SMYD3: variants seen among roughly 807,000 people sequenced by gnomAD.
SMYD3 encodes SET and MYND domain containing 3, also known as histone-lysine N-methyltransferase SMYD3.
Under a neutral mutation model 57.7 loss-of-function variants are expected in SMYD3, and 36 were observed. The ratio of observed to expected loss-of-function variants is 0.62; its 90% CI spans 0.48 to 0.82. The LOEUF is 0.82. SMYD3 is among the 40% of genes least tolerant of loss of function. The probability of loss-of-function intolerance (pLI) is 0.00; values close to 1 mark genes in which losing one functional copy is unlikely to be tolerated. For missense variants in SMYD3, 515 were observed against 538.8 expected, an observed-to-expected ratio of 0.96 and a Z score of 0.44; for synonymous variants, 211 against 195.0, an observed-to-expected ratio of 1.08 and a Z score of -0.68.
intron 5 of SMYD3, among the ~76,000 whole-genome samples, chr1:246,187,777 C>T (rs1266158399): frequency 6.6e-6 from 1 of 152,124 alleles, no homozygotes; most frequent in Non-Finnish European, 1.5e-5. Context: ...AGCAAACAAC[C>T]CCACAATAAT....
intron 1 of SMYD3, among the ~76,000 whole-genome samples, chr1:246,482,157 C>T (rs189911253): frequency 2.4e-3 from 367 of 151,828 alleles, no homozygotes; most frequent in African/African-American, 8.2e-3. Flanking sequence ...GACCCTGTCT[C>T]AGAAGCAAAA....
chr1:245,837,675 A>G (rs761351240), intron 10 of SMYD3, among the ~76,000 whole-genome samples: 25 of 152,134 alleles, frequency 1.6e-4, no homozygotes, highest in Non-Finnish European at 2.9e-4. Flanking sequence ...CAATTTCCAC[A>G]TTAGTTTAGG....
intron 5 of SMYD3, among the ~76,000 whole-genome samples, chr1:246,025,294 G>A (rs2059555771): frequency 6.6e-6 from 1 of 151,916 alleles, no homozygotes; most frequent in South Asian, 2.1e-4. Context: ...CAGCATCTAG[G>A]AAGGGAGATA....
intron 10 of SMYD3, among the ~76,000 whole-genome samples, chr1:245,853,412 G>C (rs751583981): frequency 5.3e-5 from 8 of 152,178 alleles, no homozygotes; most frequent in Non-Finnish European, 1.2e-4. Context: ...GCAAGCGCTG[G>C]GTATGTGACG....
rs553789798 is a variant in SMYD3 at position 246,307,708 on chromosome 1, C to T, written c.531+19493G>A. Among the ~76,000 whole-genome samples the T allele has an allele frequency of 4.6e-5, 7 of 152,262 alleles. No individual in the cohort carries two copies. In the South Asian group the frequency reaches 1.5e-3, roughly 32 times the overall value. On this transcript the variant is annotated intron_variant, in intron 5 of 11. Coordinates refer to ENST00000490107, the MANE Select transcript of SMYD3 (RefSeq NM_001167740.2). Reference sequence around the variant, plus strand: ...TGCTGGGACTACAGGCGTGAGCCACCGCGCCCGGCCAAATTAGGGGATTCT... The same window carrying T: ...TGCTGGGACTACAGGCGTGAGCCACTGCGCCCGGCCAAATTAGGGGATTCT...
chr1:246,495,200 T>C (rs1200729553), intron 1 of SMYD3, among the ~76,000 whole-genome samples: 4 of 151,662 alleles, frequency 2.6e-5, no homozygotes, highest in Admixed American at 1.3e-4. Flanking sequence ...ATACAAAAAA[T>C]TAGCCAGGCG....
chr1:245,769,263 C>T (rs1572283999), intron 10 of SMYD3, among the ~76,000 whole-genome samples: 1 of 152,116 alleles, frequency 6.6e-6, no homozygotes, highest in African/African-American at 2.4e-5. Context: ...TTAGCACCAC[C>T]GAAGGAGGAC....
At chr1:245,939,303 T>G (rs2057122688) in intron 5 of SMYD3, among the ~76,000 whole-genome samples, 1 of 152,156 alleles carries the variant, frequency 6.6e-6, no homozygotes. Context: ...CCCTCTTGAC[T>G]AAGAAAGCAT....
At chr1:245,913,360 T>C in intron 8 of SMYD3, among the ~76,000 whole-genome samples, 1 of 112,966 alleles carries the variant, frequency 8.9e-6, no homozygotes, top group African/African-American at 3.3e-5. Context: ...CGGGGCCTGT[T>C]GTGGTGTGGG....
At chr1:246,502,321 A>T (rs2068468982) in intron 1 of SMYD3, among the ~76,000 whole-genome samples, 1 of 151,880 alleles carries the variant, frequency 6.6e-6, no homozygotes, top group African/African-American at 2.4e-5. Flanking sequence ...TAGTAGAGAC[A>T]GGGTTTTGCC....
rs148451940 is a variant in SMYD3 at position 245,783,224 on chromosome 1, AT to A, written c.1077-19076del. On this transcript the variant is annotated intron_variant, in intron 10 of 11. Transcript: ENST00000490107. ...ATATGAGGAGCCTTCACAGAAGTAC[AT>A]TCTACAGTATTCAGTTTTCAAGGTA... Among the ~76,000 whole-genome samples the A allele has an allele frequency of 5.8e-3, 882 of 152,310 alleles. 11 individuals carry two copies. The highest frequency in any genetic ancestry group is 0.02 in the African/African-American group (827 of 41,566).
chr1:245,892,764 A>G (rs553522221), intron 8 of SMYD3, among the ~76,000 whole-genome samples: 5 of 152,358 alleles, frequency 3.3e-5, no homozygotes, highest in African/African-American at 1.2e-4. Flanking sequence ...TGTAAAACCT[A>G]AAACTATAAA....
At chr1:246,276,668 G>A (rs1048291352) in intron 5 of SMYD3, among the ~76,000 whole-genome samples, 1 of 150,232 alleles carries the variant, frequency 6.7e-6, no homozygotes, top group South Asian at 2.1e-4. Context: ...GCCCACGTTT[G>A]AATACTAACT....
chr1:245,788,092 A>C (rs922779037), intron 10 of SMYD3, among the ~76,000 whole-genome samples: 1 of 151,956 alleles, frequency 6.6e-6, no homozygotes, highest in Non-Finnish European at 1.5e-5. Flanking sequence ...TGGAGTCTAG[A>C]TTAGCACAGG....
chr1:245,803,269 A>G (rs2047961900), intron 10 of SMYD3, among the ~76,000 whole-genome samples: 2 of 152,190 alleles, frequency 1.3e-5, no homozygotes, highest in South Asian at 2.1e-4. Flanking sequence ...TATTCGTCAC[A>G]CTGGGGCACA....
intron 1 of SMYD3, among the ~76,000 whole-genome samples, chr1:246,467,236 G>A (rs1462255492): frequency 6.6e-6 from 1 of 152,088 alleles, no homozygotes; most frequent in South Asian, 2.1e-4. Context: ...GCAAGTTGCT[G>A]TGACTCTATT....
chr1:245,815,120 G>A (rs2048727621), intron 10 of SMYD3, among the ~76,000 whole-genome samples: 1 of 152,184 alleles, frequency 6.6e-6, no homozygotes, highest in South Asian at 2.1e-4. Flanking sequence ...AGTCAAGCCA[G>A]GCAACTATTG....
rs1208300004 is a variant in SMYD3 at position 246,395,756 on chromosome 1, T to C, written c.165-40662A>G. On this transcript the variant is annotated intron_variant, in intron 1 of 11. Coordinates refer to ENST00000490107, the MANE Select transcript of SMYD3 (RefSeq NM_001167740.2). The stretch of plus-strand genomic sequence containing the variant: ...GACAGGGAAGACGAACCCACCACAG[T>C]CAGACAGGGAAGAGGAACCCACCAT... Among the ~76,000 whole-genome samples, 32 of 145,690 alleles carry C rather than the reference T, an allele frequency of 2.2e-4. No individual in the cohort carries two copies. The East Asian group carries it at 2.3e-3, about 10-fold the overall frequency.
At chr1:246,087,140 A>G (rs1010189028) in intron 5 of SMYD3, among the ~76,000 whole-genome samples, 1 of 152,158 alleles carries the variant, frequency 6.6e-6, no homozygotes, top group Non-Finnish European at 1.5e-5. Flanking sequence ...TTGCAGATGA[A>G]AGCTCCCCCC....
Sources: gnomAD v4.1 joint callset for allele counts (sites outside exome capture counted in the v4.1 genomes callset) on GRCh38, gnomAD v4.1.1 for gene constraint, MANE v1.5 for transcripts, NCBI Gene and HGNC (gene_info 2026-07-23, HGNC 2026-07-21) for gene names.